TMEM217: variants seen among roughly 807,000 people sequenced by gnomAD.
The protein encoded by TMEM217 is chromosome 6 open reading frame 128.
For missense variants in TMEM217, 204 were observed against 248.8 expected (o/e 0.82, Z 1.21); for synonymous variants, 76 against 88.3 (o/e 0.86, Z 0.78).
intron 1 of TMEM217, among the ~76,000 whole-genome samples, chr6:37,225,451 G>C (rs1373678708): frequency 1.3e-5 from 2 of 152,004 alleles, no homozygotes; most frequent in African/African-American, 4.8e-5. Flanking sequence ...TATGACCTAG[G>C]ATTATGAATA....
chr6:37,252,267 A>C (rs906920574), intron 1 of TMEM217, among the ~76,000 whole-genome samples: 14 of 152,196 alleles, frequency 9.2e-5, no homozygotes, highest in Admixed American at 2.0e-4. Flanking sequence ...ATAAAGTTCA[A>C]ATTTCAATGT....
intron 1 of TMEM217, among the ~76,000 whole-genome samples, chr6:37,222,793 G>A (rs1244928205): frequency 1.3e-5 from 2 of 152,226 alleles, no homozygotes; most frequent in Admixed American, 1.3e-4. Context: ...AGTAGCACCC[G>A]GTGAGTTCCC....
intron 1 of TMEM217, among the ~76,000 whole-genome samples, chr6:37,224,342 T>C (rs1763694959): frequency 6.7e-6 from 1 of 148,508 alleles, no homozygotes; most frequent in South Asian, 2.2e-4. Context: ...CTCATGCCTG[T>C]AATCCCAGCA....
intron 1 of TMEM217, among the ~76,000 whole-genome samples, chr6:37,255,979 C>A (rs114045258): frequency 8.5e-5 from 13 of 152,086 alleles, no homozygotes; most frequent in African/African-American, 3.1e-4. Context: ...TTAACTACAC[C>A]CCCTGGGAAT....
intron 1 of TMEM217, among the ~76,000 whole-genome samples, chr6:37,253,015 T>C (rs1765530970): frequency 1.3e-5 from 2 of 152,170 alleles, no homozygotes; most frequent in African/African-American, 4.8e-5. Context: ...TATATAATTC[T>C]ACCCTCTACC....
At chr6:37,221,652 AT>A (rs1763531203) in intron 1 of TMEM217, among the ~76,000 whole-genome samples, 2 of 152,370 alleles carry the variant, frequency 1.3e-5, no homozygotes, top group South Asian at 4.1e-4. Context: ...ACCATAGAAA[AT>A]GACCTAGTGT....
intron 1 of TMEM217, among the ~76,000 whole-genome samples, chr6:37,246,235 C>T (rs1008468602): frequency 6.6e-6 from 1 of 152,210 alleles, no homozygotes; most frequent in African/African-American, 2.4e-5. Flanking sequence ...AATTCAGTGG[C>T]TTAAAACCAC....
At chr6:37,230,985 G>C (rs1764171836) in intron 1 of TMEM217, among the ~76,000 whole-genome samples, 1 of 152,064 alleles carries the variant, frequency 6.6e-6, no homozygotes, top group Non-Finnish European at 1.5e-5. Flanking sequence ...GTTAGGCTAT[G>C]GGATTAAACC....
In TMEM217 at chr6:37,254,002, G is replaced by A. The variant is rs116034688; in HGVS notation, c.-12+3566C>T. Among the ~76,000 whole-genome samples the A allele has an allele frequency of 3.7e-3, 570 of 152,240 alleles. 4 individuals are homozygous for A. The highest frequency in any genetic ancestry group is 0.013 in the African/African-American group (528 of 41,544). On this transcript the variant is annotated intron_variant, in intron 1 of 1. Coordinates refer to ENST00000357219, the Ensembl canonical transcript of TMEM217. ...TTTGAATGAAGATGAAGTTGAGGGG[G>A]GGAAAGTAAAAACTTGCAGAAGCCT...
chr6:37,212,699 T>TGG, downstream of TMEM217: 1 of 631,106 alleles, frequency 1.6e-6, no homozygotes, highest in Non-Finnish European at 3.0e-6. Context: ...ATGATCCACA[T>TGG]GGCATAGATC....
At chr6:37,218,321 G>T in exon 2 of TMEM217, 6 of 1,148,208 alleles carry the variant, frequency 5.2e-6, no homozygotes, top group South Asian at 4.8e-5. Flanking sequence ...GGTGTGTGCC[G>T]CCACGCCTGG....
exon 2 of TMEM217, chr6:37,218,426 C>A: frequency 6.3e-7 from 1 of 1,598,146 alleles, no homozygotes. Flanking sequence ...ATCCACCTAC[C>A]TCTGCCTCTC....
At chr6:37,246,451 C>T (rs974272151) in intron 1 of TMEM217, among the ~76,000 whole-genome samples, 1 of 152,132 alleles carries the variant, frequency 6.6e-6, no homozygotes, top group Admixed American at 6.5e-5. Flanking sequence ...TGCTCACATT[C>T]CACTGGCCAG....
intron 1 of TMEM217, among the ~76,000 whole-genome samples, chr6:37,234,521 A>T (rs1010299109): frequency 6.6e-6 from 1 of 152,152 alleles, no homozygotes; most frequent in Non-Finnish European, 1.5e-5. Context: ...GCCACTAGTG[A>T]TGATACAGTT....
At chr6:37,239,484 A>C (rs988235015) in intron 1 of TMEM217, among the ~76,000 whole-genome samples, 2 of 151,758 alleles carry the variant, frequency 1.3e-5, no homozygotes, top group African/African-American at 4.8e-5. Flanking sequence ...TAAAAAATAA[A>C]TAAATAAATA....
chr6:37,235,374 A>T (rs895327292), intron 1 of TMEM217, among the ~76,000 whole-genome samples: 8 of 151,118 alleles, frequency 5.3e-5, no homozygotes, highest in African/African-American at 1.7e-4. Flanking sequence ...TTTTATTATT[A>T]TTTTTTTTTG....
intron 1 of TMEM217, among the ~76,000 whole-genome samples, chr6:37,229,008 A>C (rs1764018457): frequency 6.6e-6 from 1 of 151,902 alleles, no homozygotes; most frequent in South Asian, 2.1e-4. Flanking sequence ...AAAAAAAAAC[A>C]AAAAACAAAA....
At chr6:37,232,707 C>T (rs1323248485) in intron 1 of TMEM217, among the ~76,000 whole-genome samples, 1 of 152,196 alleles carries the variant, frequency 6.6e-6, no homozygotes, top group African/African-American at 2.4e-5. Context: ...AAGTATCTTT[C>T]CTCCTCTACC....
At chr6:37,254,120 T>C (rs1333141183) in intron 1 of TMEM217, among the ~76,000 whole-genome samples, 3 of 152,220 alleles carry the variant, frequency 2.0e-5, no homozygotes, top group Non-Finnish European at 4.4e-5. Flanking sequence ...GTGAGGTCCA[T>C]GGATCAGCAG....
Sources: gnomAD v4.1 joint callset for allele counts (sites outside exome capture counted in the v4.1 genomes callset) on GRCh38, gnomAD v4.1.1 for gene constraint, MANE v1.5 for transcripts, NCBI Gene and HGNC (gene_info 2026-07-23, HGNC 2026-07-21) for gene names.